DHX36: variants seen among roughly 807,000 people sequenced by gnomAD.
DHX36 encodes the protein ATP-dependent DNA/RNA helicase DHX36.
DHX36 carries 50 observed loss-of-function variants against 139.0 expected under a neutral mutation model. That is an observed-to-expected ratio of 0.36 (90% CI 0.29 to 0.46). DHX36 has a LOEUF of 0.46. DHX36 is among the 20% of genes least tolerant of loss of function. The probability of loss-of-function intolerance (pLI) is 1.00; values close to 1 mark genes in which losing one functional copy is unlikely to be tolerated. For synonymous variants in DHX36, 425 were observed against 401.9 expected, an observed-to-expected ratio of 1.06 and a Z score of -0.69; for missense variants, 1,024 against 1,211.3, an observed-to-expected ratio of 0.85 and a Z score of 2.29.
intron 19 of DHX36, 75 bp from the exon 20 acceptor site, chr3:154,283,346 T>A: frequency 1.0e-6 from 1 of 988,370 alleles, no homozygotes; most frequent in Non-Finnish European, 1.6e-6. Context: ...CTCTTTACTT[T>A]AGTAAAAGCT....
intron 17 of DHX36, 74 bp from the exon 18 acceptor site, chr3:154,285,061 A>C (rs561808449): frequency 2.0e-6 from 3 of 1,491,124 alleles, no homozygotes; most frequent in East Asian, 4.5e-5. Context: ...GCTTGCTTTA[A>C]AAAGAGTAAC....
intron 17 of DHX36, 112 bp from the exon 18 acceptor site, chr3:154,285,099 A>G: frequency 9.2e-7 from 1 of 1,083,256 alleles, no homozygotes; most frequent in Non-Finnish European, 1.3e-6. Flanking sequence ...TCTAAGTCCA[A>G]ATGCCCAAAT....
intron 3 of DHX36, among the ~76,000 whole-genome samples, chr3:154,314,267 A>T (rs1343450806): frequency 6.6e-6 from 1 of 152,218 alleles, no homozygotes; most frequent in Non-Finnish European, 1.5e-5. Flanking sequence ...CTAATACGGA[A>T]ATCCAACTGT....
At chr3:154,295,202 A>G in intron 13 of DHX36, 82 bp downstream of exon 13, 1 of 822,934 alleles carries the variant, frequency 1.2e-6, no homozygotes, top group Non-Finnish European at 1.9e-6. Context: ...CTTAAAAAAA[A>G]TAAAGGAAAA....
intron 1 of DHX36, chr3:154,319,237 T>G (rs1713101328): frequency 6.6e-6 from 1 of 152,196 alleles, no homozygotes; most frequent in Non-Finnish European, 1.5e-5. Flanking sequence ...TCATAGAATT[T>G]TGATTATTTC....
intron 15 of DHX36, among the ~76,000 whole-genome samples, chr3:154,292,254 A>G (rs1461614765): frequency 6.6e-6 from 1 of 152,226 alleles, no homozygotes; most frequent in East Asian, 1.9e-4. Flanking sequence ...ATTAGTTGCT[A>G]TTATTATCAC....
At chr3:154,276,635 G>C in intron 24 of DHX36, 112 bp downstream of exon 24, 5 of 1,194,734 alleles carry the variant, frequency 4.2e-6, no homozygotes, top group Non-Finnish European at 6.0e-6. Context: ...AAAATTATTT[G>C]CTCTGCTGAA....
chr3:154,287,727 A>G (rs1711596760), intron 17 of DHX36, among the ~76,000 whole-genome samples: 1 of 152,180 alleles, frequency 6.6e-6, no homozygotes, highest in Non-Finnish European at 1.5e-5. Flanking sequence ...AGTTGAAAAC[A>G]GATATGCAAT....
At chr3:154,323,464 T>C (rs1181587803) in intron 1 of DHX36, among the ~76,000 whole-genome samples, 4 of 152,208 alleles carry the variant, frequency 2.6e-5, no homozygotes, top group Non-Finnish European at 5.9e-5. Flanking sequence ...TTATTTTTTA[T>C]TAGAATTTTA....
chr3:154,280,464 A>G, intron 22 of DHX36, 115 bp downstream of exon 22: 1 of 737,678 alleles, frequency 1.4e-6, no homozygotes, highest in Non-Finnish European at 2.2e-6. Flanking sequence ...AAGAACAAGA[A>G]TATAACCCAC....
chr3:154,302,163 G>A (rs1487855175), intron 9 of DHX36, among the ~76,000 whole-genome samples: 2 of 151,652 alleles, frequency 1.3e-5, no homozygotes, highest in African/African-American at 4.8e-5. Context: ...AGGAACTATT[G>A]TATTAGCACA....
intron 12 of DHX36, among the ~76,000 whole-genome samples, chr3:154,299,210 T>C (rs1216952167): frequency 6.6e-6 from 1 of 152,070 alleles, no homozygotes; most frequent in African/African-American, 2.4e-5. Context: ...GAGGCGGAGG[T>C]TGCAGTGAGC....
rs1344989356 is a variant in DHX36 at position 154,299,904 on chromosome 3, G to A, written c.1483C>T (p.Leu495=). The A allele has an allele frequency of 1.2e-6, 2 of 1,613,438 alleles. No homozygotes were observed. Among genetic ancestry groups the A allele is most frequent in the Admixed American group, 1.7e-5 (1 of 60,008 alleles). ...EEEDGAILVF[L]PGWDNISTLH... ...GTGCTGATATTGTCCCAGCCTGGCA[G>A]AAAGACCAGTATCGCACCATCCTAT... The change falls in exon 12 of 25, where the codon CTG becomes TTG. Residue 495 remains leucine (L), a synonymous_variant. Coordinates refer to ENST00000496811, the MANE Select transcript of DHX36 (RefSeq NM_020865.3).
Position 154,301,034 on chromosome 3 carries a change from TG to T in DHX36, c.1310del (p.Ala437GlufsTer11). 6.2e-7 allele frequency: 1 copy of T among 1,613,550 alleles called. No homozygotes were observed. Among genetic ancestry groups the T allele is most frequent in the Non-Finnish European group, 8.5e-7 (1 of 1,179,908 alleles). On this transcript the variant is annotated frameshift_variant, in exon 10 of 25. Coordinates refer to ENST00000496811, the MANE Select transcript of DHX36 (RefSeq NM_020865.3). LOFTEE classifies it high-confidence loss of function. Reference protein sequence around the residue: ...VNRQEKEEKEAIYKERWPDYV... With the variant: ...VNRQEKEEKEXIYKERWPDYV... ...AATCTGGCCAACGTTCTTTATATAT[TG>T]CTTCTTTTTCTTCTTTTTCTTGTCT... is the stretch of plus-strand genomic sequence containing the variant.
chr3:154,287,363 T>C (rs748010776), intron 17 of DHX36, among the ~76,000 whole-genome samples: 2 of 152,086 alleles, frequency 1.3e-5, no homozygotes, highest in Non-Finnish European at 2.9e-5. Context: ...GCATTAAAAT[T>C]AGGAATTTAG....
At chr3:154,321,048 T>C (rs1713168193) in intron 1 of DHX36, among the ~76,000 whole-genome samples, 1 of 152,188 alleles carries the variant, frequency 6.6e-6, no homozygotes, top group African/African-American at 2.4e-5. Flanking sequence ...TGAAATTATA[T>C]TAAAGGATCA....
intron 15 of DHX36, 65 bp downstream of exon 15, chr3:154,292,486 C>T: frequency 6.3e-7 from 1 of 1,584,312 alleles, no homozygotes; most frequent in Non-Finnish European, 8.6e-7. Context: ...TAAATGCCAA[C>T]ATCACATTTT....
chr3:154,316,625 C>T (rs1446381404), intron 1 of DHX36, among the ~76,000 whole-genome samples: 3 of 151,982 alleles, frequency 2.0e-5, no homozygotes, highest in South Asian at 4.1e-4. Context: ...GTAAGTAAGG[C>T]TGAGCTCAGA....
chr3:154,310,872 T>G (rs1410493248), intron 4 of DHX36, among the ~76,000 whole-genome samples: 1 of 124,552 alleles, frequency 8.0e-6, no homozygotes. Context: ...TATATATATA[T>G]TCCCCACTTA....
Sources: allele counts gnomAD v4.1 joint callset (sites outside exome capture counted in the v4.1 genomes callset), GRCh38; gene constraint gnomAD v4.1.1; transcripts MANE v1.5; gene names NCBI Gene and HGNC (gene_info 2026-07-23, HGNC 2026-07-21).